Variants in KIF1A observed in about 807,000 individuals in gnomAD.
KIF1A encodes the protein kinesin-like protein KIF1A.
A neutral mutation model predicts 227.3 loss-of-function variants in KIF1A; 46 were observed. That is an observed-to-expected ratio of 0.20 (90% CI 0.16 to 0.26). KIF1A has a LOEUF of 0.26. Ranked by LOEUF, KIF1A falls within the 10% of genes least tolerant of loss-of-function variation. KIF1A has a pLI of 1.00. For synonymous variants in KIF1A, 1,022 were observed against 1,012.8 expected, an observed-to-expected ratio of 1.01 and a Z score of -0.17; for missense variants, 1,683 against 2,485.9, an observed-to-expected ratio of 0.68 and a Z score of 6.87.
chr2:240,807,099 T>A (rs2057471182), intron 1 of KIF1A, among the ~76,000 whole-genome samples: 2 of 97,560 alleles, frequency 2.1e-5, no homozygotes, highest in African/African-American at 9.5e-5. Flanking sequence ...TGTGTGTGTG[T>A]GTGTGTGTGT....
At chr2:240,720,735 G>T in intron 45 of KIF1A, 179 bp downstream of exon 45, 1 of 624,170 alleles carries the variant, frequency 1.6e-6, no homozygotes, top group Non-Finnish European at 2.6e-6. Context: ...CGGGGCACAG[G>T]CACCCTCTGA....
chr2:240,799,349 G>A (rs574748383), intron 1 of KIF1A, among the ~76,000 whole-genome samples: 7 of 152,200 alleles, frequency 4.6e-5, no homozygotes, highest in East Asian at 3.9e-4. Flanking sequence ...GAACTCCTCC[G>A]CAGAACAGGC....
intron 23 of KIF1A, among the ~76,000 whole-genome samples, 176 bp downstream of exon 23, chr2:240,762,543 C>A (rs1002602274): frequency 2.6e-5 from 4 of 152,218 alleles, no homozygotes; most frequent in Admixed American, 2.0e-4. Flanking sequence ...TATCCCCCCT[C>A]CCCCAATGCT....
At chr2:240,723,268 G>C (rs1435880390) in intron 42 of KIF1A, 145 bp downstream of exon 42, 2 of 713,492 alleles carry the variant, frequency 2.8e-6, no homozygotes, top group East Asian at 2.8e-5. Context: ...AGCATCACAT[G>C]CTCCTCCTGC....
At position 240,736,901 on chromosome 2, in the gene KIF1A, C is replaced by T. The variant is rs2047382540; in HGVS notation, c.4007+162G>A. On this transcript the variant is annotated intron_variant, in intron 38 of 48. Transcript: ENST00000498729. The surrounding 1 kb of genome is among the most constrained non-coding windows in gnomAD (Gnocchi z 4.7). Reference sequence around the variant, plus strand: ...AACGAGGAGCCGGGGGTGCAGAGGCCACCAGCCCCTCACCGCACAGCTCCT... The same window carrying T: ...AACGAGGAGCCGGGGGTGCAGAGGCTACCAGCCCCTCACCGCACAGCTCCT... Among the ~76,000 whole-genome samples, 1 of 152,166 alleles carries T rather than the reference C, an allele frequency of 6.6e-6. No homozygotes were observed. The highest frequency in any genetic ancestry group is 1.5e-5 in the Non-Finnish European group (1 of 68,038).
At chr2:240,795,580 C>T (rs2056277237) in intron 2 of KIF1A, among the ~76,000 whole-genome samples, 2 of 152,214 alleles carry the variant, frequency 1.3e-5, no homozygotes, top group Admixed American at 1.3e-4. Flanking sequence ...ACCAGCTGGG[C>T]AGTGCTGCCA....
rs762437058 is a variant in KIF1A at position 240,760,737 on chromosome 2, C to T, written c.2372G>A (p.Arg791His). 4 of 1,595,942 alleles carry T rather than the reference C, an allele frequency of 2.5e-6. No homozygotes were observed. Among genetic ancestry groups the T allele is most frequent in the South Asian group, 1.1e-5 (1 of 88,272 alleles). ...CTGGACCTCCACGGCCACAATGGTG[C>T]GGGGGAAGGGCCGCGTCTCTCGGTC... ...AKDRETRPFPRTIVAVEVQDQ... is the reference protein window; with the variant it reads ...AKDRETRPFPHTIVAVEVQDQ... Residue 791 changes from arginine to histidine, a missense_variant, in exon 25 of 49, where the codon CGC becomes CAC. Transcript: ENST00000498729.
At position 240,778,636 on chromosome 2, in the gene KIF1A, C is replaced by G. The variant is rs546119195; in HGVS notation, c.883-2710G>C. 6.6e-5 allele frequency among the ~76,000 whole-genome samples: 10 copies of G among 151,874 alleles called. No homozygotes were observed. The highest frequency in any genetic ancestry group is 5.8e-4 in the East Asian group (3 of 5,180). ...CCCGTCCCCACACAGCTCCCCACCC[C>G]CTTCCACACACTTCCTCCCGGTTCC... On this transcript the variant is annotated intron_variant, in intron 10 of 48. Coordinates refer to ENST00000498729, the MANE Select transcript of KIF1A (RefSeq NM_001244008.2). This position sits in a 1 kb window ranked among gnomAD's most constrained non-coding sequence, Gnocchi z 7.2.
At chr2:240,791,532 C>T (rs1223287056) in intron 2 of KIF1A, among the ~76,000 whole-genome samples, 2 of 110,974 alleles carry the variant, frequency 1.8e-5, no homozygotes, top group Non-Finnish European at 4.0e-5. Flanking sequence ...TCCACCCCCT[C>T]GCCTCACCCC....
intron 37 of KIF1A, among the ~76,000 whole-genome samples, chr2:240,738,309 C>T (rs1028649211): frequency 1.1e-4 from 16 of 152,214 alleles, no homozygotes; most frequent in African/African-American, 3.9e-4. Context: ...CTGTTGTCTG[C>T]ACTTTGACTC....
intron 27 of KIF1A, among the ~76,000 whole-genome samples, chr2:240,751,080 G>A (rs1439324410): frequency 2.6e-5 from 4 of 152,102 alleles, no homozygotes; most frequent in Non-Finnish European, 4.4e-5. Flanking sequence ...AGGGCCCAGG[G>A]AGGTGCTGAA....
chr2:240,763,479 T>G (rs1575590760), intron 20 of KIF1A, 133 bp from the exon 21 acceptor site: 1 of 817,030 alleles, frequency 1.2e-6, no homozygotes, highest in East Asian at 2.8e-5. Context: ...AGCCACTCCT[T>G]CTTCAGCCCT....
intron 38 of KIF1A, chr2:240,728,317 C>G: frequency 1.0e-6 from 1 of 979,314 alleles, no homozygotes; most frequent in Middle Eastern, 2.4e-4. Flanking sequence ...AGGCAGACGC[C>G]GAGGAGAAAG....
chr2:240,727,031 A>G lies in KIF1A; in HGVS notation c.4008-91T>C, dbSNP rs539870131. ...CATGCAGACAGACAGAGCGACAGAC[A>G]AGGGGCAGCCGCAAGGGAGCGGCTG... On this transcript the variant is annotated intron_variant, in intron 38 of 48. Coordinates refer to ENST00000498729, the MANE Select transcript of KIF1A (RefSeq NM_001244008.2). 11 of 749,042 alleles carry G rather than the reference A, an allele frequency of 1.5e-5. No individual in the cohort carries two copies. The African/African-American group carries it at 1.9e-4, about 13-fold the overall frequency. The allele number at this position is 749,042 out of a possible 1,614,324, so 46.4% of individuals were successfully genotyped here.
chr2:240,760,540 G>T, intron 25 of KIF1A, 125 bp downstream of exon 25: 1 of 620,036 alleles, frequency 1.6e-6, no homozygotes, highest in South Asian at 4.2e-5. Context: ...AAAATAATTG[G>T]AACAGGAGGA....
intron 1 of KIF1A, among the ~76,000 whole-genome samples, chr2:240,807,137 T>G (rs2057501085): frequency 6.9e-6 from 1 of 144,592 alleles, no homozygotes; most frequent in African/African-American, 2.7e-5. Context: ...TGTGTATATA[T>G]ATATATATAT....
chr2:240,750,565 C>A lies in KIF1A; in HGVS notation c.2859-18G>T. ...CGAAGGCCCTGGGGAGAAGCAGAGG[C>A]GGCGGTCATGGGCCACCCCTCCACG... On this transcript the variant is annotated intron_variant, in intron 27 of 48. Coordinates refer to ENST00000498729, the MANE Select transcript of KIF1A (RefSeq NM_001244008.2). 6.3e-7 allele frequency: 1 copy of A among 1,585,706 alleles called. No individual in the cohort carries two copies. Among genetic ancestry groups the A allele is most frequent in the Non-Finnish European group, 8.7e-7 (1 of 1,155,194 alleles).
At chr2:240,730,591 A>C (rs1451922003) in intron 38 of KIF1A, among the ~76,000 whole-genome samples, 1 of 152,226 alleles carries the variant, frequency 6.6e-6, no homozygotes, top group East Asian at 1.9e-4. Flanking sequence ...TAACAGGCTG[A>C]GGCCACAGAT....
chr2:240,799,183 G>T (rs1258750462), intron 1 of KIF1A, among the ~76,000 whole-genome samples: 1 of 152,192 alleles, frequency 6.6e-6, no homozygotes, highest in Non-Finnish European at 1.5e-5. Flanking sequence ...CAGCAAGCCT[G>T]GGTCTGTCTG....
Sources: allele counts gnomAD v4.1 joint callset (sites outside exome capture counted in the v4.1 genomes callset), GRCh38; gene constraint gnomAD v4.1.1; non-coding constraint Gnocchi (gnomAD v3.1); transcripts MANE v1.5; gene names NCBI Gene and HGNC (gene_info 2026-07-23, HGNC 2026-07-21).